GNAO1: variants seen among roughly 807,000 people sequenced by gnomAD.
GNAO1 encodes guanine nucleotide-binding protein G(o) subunit alpha.
For missense variants in GNAO1, 166 were observed against 478.7 expected (o/e 0.35, Z 6.10); for synonymous variants, 164 against 180.7 (o/e 0.91, Z 0.74).
At chr16:56,345,826 G>A (rs113470958) in intron 6 of GNAO1, 25 of 985,412 alleles carry the variant, frequency 2.5e-5, no homozygotes, top group East Asian at 1.1e-4. Context: ...ACTCTGCTCC[G>A]AACTGTAACC....
chr16:56,250,240 G>A (rs537863396), intron 2 of GNAO1, among the ~76,000 whole-genome samples: 4 of 152,298 alleles, frequency 2.6e-5, no homozygotes, highest in South Asian at 2.1e-4. Context: ...GAAAGAAACC[G>A]TAATTGCTAA....
chr16:56,273,765 G>A (rs574069604), intron 2 of GNAO1, among the ~76,000 whole-genome samples: 60 of 152,282 alleles, frequency 3.9e-4, no homozygotes, highest in African/African-American at 1.3e-3. Context: ...GCTCAGCCCC[G>A]TTGCTATGGC....
chr16:56,192,507 C>G (rs552528169), intron 1 of GNAO1, 67 bp from the exon 2 acceptor site: 6 of 599,532 alleles, frequency 1.0e-5, no homozygotes, highest in Non-Finnish European at 1.9e-5. Flanking sequence ...ATGCCTTAGT[C>G]CCCCCCTCCC....
intron 3 of GNAO1, among the ~76,000 whole-genome samples, chr16:56,316,071 G>A (rs2037506132): frequency 2.0e-5 from 3 of 151,372 alleles, no homozygotes; most frequent in Non-Finnish European, 4.4e-5. Context: ...AAAAAAAAAA[G>A]AGTGAGCAGG....
chr16:56,346,061 C>T (rs1193002403), intron 6 of GNAO1: 4 of 985,436 alleles, frequency 4.1e-6, no homozygotes, highest in Non-Finnish European at 3.6e-6. Flanking sequence ...CCCTTCCTGC[C>T]CTCCATCCCC....
At chr16:56,348,847 C>T (rs917895917) in intron 6 of GNAO1, among the ~76,000 whole-genome samples, 1 of 152,160 alleles carries the variant, frequency 6.6e-6, no homozygotes, top group African/African-American at 2.4e-5. Flanking sequence ...CCCTCCAAGG[C>T]CCTCTCCCCA....
intron 6 of GNAO1, among the ~76,000 whole-genome samples, chr16:56,337,763 T>C (rs1596873464): frequency 6.6e-6 from 1 of 152,338 alleles, no homozygotes; most frequent in Non-Finnish European, 1.5e-5. Flanking sequence ...TGCTGGTGAT[T>C]GCCCTGAGCC....
chr16:56,196,145 C>CT (rs1166266113), intron 2 of GNAO1, among the ~76,000 whole-genome samples: 8 of 152,102 alleles, frequency 5.3e-5, no homozygotes. Context: ...TTCCCCCCCC[C>CT]TTGTGTGTGT....
intron 3 of GNAO1, among the ~76,000 whole-genome samples, chr16:56,289,689 A>T (rs1393260397): frequency 6.6e-6 from 1 of 152,134 alleles, no homozygotes; most frequent in Non-Finnish European, 1.5e-5. Flanking sequence ...AGGCTTGAGG[A>T]GGGGGTACGG....
intron 3 of GNAO1, among the ~76,000 whole-genome samples, chr16:56,325,702 G>T (rs1419508839): frequency 6.6e-6 from 1 of 152,064 alleles, no homozygotes; most frequent in Non-Finnish European, 1.5e-5. Flanking sequence ...TGAGCATCTT[G>T]TCTTGGGCCT....
At chr16:56,300,031 G>GTGTGTGTGTGTA (rs1567474652) in intron 3 of GNAO1, among the ~76,000 whole-genome samples, 8 of 133,142 alleles carry the variant, frequency 6.0e-5, no homozygotes, top group African/African-American at 2.4e-4. Context: ...GTGTGTGTGT[G>GTGTGTGTGTGTA]TGTGTGCGCG....
chr16:56,285,366 G>T (rs1362688804), intron 3 of GNAO1, among the ~76,000 whole-genome samples: 1 of 151,870 alleles, frequency 6.6e-6, no homozygotes, highest in Non-Finnish European at 1.5e-5. Context: ...ACCAATCTTG[G>T]ATGTCCAAGA....
chr16:56,192,745 CA>C, intron 2 of GNAO1, 129 bp downstream of exon 2: 1 of 672,286 alleles, frequency 1.5e-6, no homozygotes, highest in East Asian at 2.7e-5. Flanking sequence ...CACACACACA[CA>C]CACACCCCTA....
intron 2 of GNAO1, among the ~76,000 whole-genome samples, chr16:56,197,317 C>T (rs1171482711): frequency 2.6e-5 from 4 of 152,206 alleles, no homozygotes; most frequent in African/African-American, 9.7e-5. Flanking sequence ...TCCCTCCCTT[C>T]GTCCCTCTCT....
intron 2 of GNAO1, among the ~76,000 whole-genome samples, chr16:56,268,496 G>C (rs928983107): frequency 6.6e-6 from 1 of 152,176 alleles, no homozygotes; most frequent in African/African-American, 2.4e-5. Flanking sequence ...TTTTACTCAA[G>C]TATTCTCTCT....
intron 2 of GNAO1, among the ~76,000 whole-genome samples, chr16:56,199,465 C>T (rs917674075): frequency 5.9e-5 from 9 of 152,178 alleles, no homozygotes; most frequent in African/African-American, 2.2e-4. Flanking sequence ...ACAGCCCTAG[C>T]GTTCACCAGA....
rs939632628 is a variant in GNAO1, at chr16:56,312,746, G to A, written c.304-15885G>A. 4.6e-5 allele frequency among the ~76,000 whole-genome samples: 7 copies of A among 152,384 alleles called. No homozygotes were observed. In the East Asian group the frequency reaches 1.4e-3, roughly 29 times the overall value. On this transcript the variant is annotated intron_variant, in intron 3 of 8. Coordinates refer to ENST00000262493, the MANE Select transcript of GNAO1 (RefSeq NM_020988.3). ...TTGCCATCCAGCCCTGGGATGTGCTGCATGGGACGGTCTGCCCAGGGCCTT... is the reference window on the plus strand; with the variant it reads ...TTGCCATCCAGCCCTGGGATGTGCTACATGGGACGGTCTGCCCAGGGCCTT...
intron 2 of GNAO1, among the ~76,000 whole-genome samples, chr16:56,228,932 A>T (rs936845054): frequency 5.3e-5 from 8 of 152,328 alleles, no homozygotes; most frequent in Middle Eastern, 3.4e-3. Context: ...CATGTTTGTT[A>T]GTTATCTTTA....
intron 3 of GNAO1, among the ~76,000 whole-genome samples, chr16:56,297,159 ACTC>A (rs1165323758): frequency 2.0e-5 from 3 of 151,848 alleles, no homozygotes; most frequent in African/African-American, 7.3e-5. Flanking sequence ...GGTCAGATAA[ACTC>A]CACCTGCCTC....
Sources: allele counts gnomAD v4.1 joint callset (sites outside exome capture counted in the v4.1 genomes callset), GRCh38; gene constraint gnomAD v4.1.1; transcripts MANE v1.5; gene names NCBI Gene and HGNC (gene_info 2026-07-23, HGNC 2026-07-21).